The following WDR17 variants were observed in gnomAD, a reference collection of about 807,000 sequenced individuals.
WDR17 encodes WD repeat-containing protein 17.
WDR17 carries 143 observed loss-of-function variants against 161.7 expected under a neutral mutation model. The observed-to-expected ratio is 0.88, with a 90% CI of 0.77 to 1.02. The LOEUF (loss-of-function observed/expected upper bound fraction) is 1.02, where lower values mean the gene tolerates loss of function less well. Ranked by LOEUF, WDR17 falls within the 50% of genes least tolerant of loss-of-function variation. The pLI, the probability that WDR17 is intolerant of heterozygous loss-of-function variation, is 0.00. For synonymous variants in WDR17, 517 were observed against 515.6 expected (o/e 1.00, Z -0.04); for missense variants, 1,469 against 1,520.9 (o/e 0.97, Z 0.57).
At chr4:176,075,416 A>T (rs1031727619) in intron 1 of WDR17, among the ~76,000 whole-genome samples, 1 of 152,134 alleles carries the variant, frequency 6.6e-6, no homozygotes, top group African/African-American at 2.4e-5. Context: ...ACAATATAAG[A>T]TTTTAAAGTT....
intron 4 of WDR17, 141 bp from the exon 5 acceptor site, chr4:176,124,963 A>T: frequency 2.2e-6 from 2 of 923,958 alleles, no homozygotes; most frequent in Non-Finnish European, 3.2e-6. Context: ...CATGTCAGTT[A>T]CGCCTTCTGC....
intron 1 of WDR17, among the ~76,000 whole-genome samples, chr4:176,073,860 G>T (rs1397865675): frequency 6.6e-6 from 1 of 151,976 alleles, no homozygotes; most frequent in East Asian, 1.9e-4. Context: ...GGCCAGTGAT[G>T]ATGAGCATTT....
chr4:176,085,872 A>G (rs1370023180), intron 1 of WDR17, among the ~76,000 whole-genome samples: 2 of 151,974 alleles, frequency 1.3e-5, no homozygotes, highest in African/African-American at 4.8e-5. Context: ...TTAAAGATAG[A>G]AACTTAAATC....
intron 1 of WDR17, among the ~76,000 whole-genome samples, chr4:176,089,017 A>G (rs1735770255): frequency 6.6e-6 from 1 of 152,202 alleles, no homozygotes; most frequent in Admixed American, 6.5e-5. Flanking sequence ...GTTAGAAAAC[A>G]TAATCTAATT....
At chr4:176,117,625 A>G (rs1259196823) in intron 3 of WDR17, among the ~76,000 whole-genome samples, 1 of 152,058 alleles carries the variant, frequency 6.6e-6, no homozygotes, top group East Asian at 1.9e-4. Flanking sequence ...TTTATTCATC[A>G]GCTATATGCA....
At chr4:176,109,520 G>T (rs1368212829) in intron 1 of WDR17, among the ~76,000 whole-genome samples, 1 of 152,070 alleles carries the variant, frequency 6.6e-6, no homozygotes, top group Non-Finnish European at 1.5e-5. Flanking sequence ...CACTAATTCT[G>T]CTCAGATAAG....
chr4:176,141,823 T>C (rs1193998414), intron 10 of WDR17, among the ~76,000 whole-genome samples, 160 bp from the exon 11 acceptor site: 1 of 152,248 alleles, frequency 6.6e-6, no homozygotes, highest in Non-Finnish European at 1.5e-5. Flanking sequence ...TACTTATAAT[T>C]GGTAACATTT....
At position 176,155,956 on chromosome 4, in the gene WDR17, G is replaced by C; in HGVS notation, c.2461-123G>C. ...AAGAAGTCAGAAAGTACCAAATCAGGACTCAAGAACTCAAATATAAAAATA... is the reference window on the plus strand; with the variant it reads ...AAGAAGTCAGAAAGTACCAAATCAGCACTCAAGAACTCAAATATAAAAATA... On this transcript the variant is annotated intron_variant, in intron 17 of 28. Coordinates refer to ENST00000508596, the MANE Select transcript of WDR17 (RefSeq NM_181265.4). 8.5e-6 allele frequency: 7 copies of C among 826,856 alleles called. No individual in the cohort carries two copies. The South Asian group carries it at 9.2e-5, about 11-fold the overall frequency. 51.2% of individuals were successfully genotyped at this position (826,856 alleles called of 1,614,324 possible).
intron 1 of WDR17, among the ~76,000 whole-genome samples, chr4:176,097,428 A>G (rs1254078772): frequency 6.6e-6 from 1 of 151,902 alleles, no homozygotes; most frequent in African/African-American, 2.4e-5. Flanking sequence ...TTAATTACAG[A>G]TATTTTCTCA....
intron 1 of WDR17, among the ~76,000 whole-genome samples, chr4:176,075,814 G>C (rs1733892242): frequency 6.6e-6 from 1 of 151,764 alleles, no homozygotes; most frequent in Non-Finnish European, 1.5e-5. Context: ...CTACAAAAAA[G>C]AAAAAGAAAA....
chr4:176,126,932 C>T (rs960220464), intron 5 of WDR17, among the ~76,000 whole-genome samples: 51 of 152,160 alleles, frequency 3.4e-4, no homozygotes, highest in African/African-American at 1.1e-3. Flanking sequence ...CTTTGCCTTC[C>T]ACCATGATTG....
intron 27 of WDR17, 49 bp from the exon 28 acceptor site, chr4:176,177,422 A>G (rs891072351): frequency 1.6e-5 from 24 of 1,464,904 alleles, no homozygotes; most frequent in Non-Finnish European, 2.1e-5. Context: ...AAACATCAAA[A>G]ATTCTGTGAT....
At chr4:176,082,050 C>G (rs1258950746) in intron 1 of WDR17, among the ~76,000 whole-genome samples, 9 of 148,794 alleles carry the variant, frequency 6.0e-5, no homozygotes, top group African/African-American at 2.2e-4. Flanking sequence ...CTTGAAGCAG[C>G]TTTTTTTTTT....
intron 1 of WDR17, among the ~76,000 whole-genome samples, chr4:176,105,203 TA>T (rs1219563158): frequency 3.3e-5 from 5 of 151,952 alleles, no homozygotes; most frequent in African/African-American, 1.2e-4. Flanking sequence ...TTTATACACC[TA>T]AAAAACACCA....
At chr4:176,158,077 T>G (rs1360490531) in intron 18 of WDR17, among the ~76,000 whole-genome samples, 1 of 152,208 alleles carries the variant, frequency 6.6e-6, no homozygotes, top group African/African-American at 2.4e-5. Context: ...GTAAGCTTTT[T>G]TATTGTTTCT....
At chr4:176,130,489 A>C (rs1010676074) in intron 6 of WDR17, among the ~76,000 whole-genome samples, 8 of 152,186 alleles carry the variant, frequency 5.3e-5, no homozygotes, top group Non-Finnish European at 8.8e-5. Context: ...TCATGCCTGT[A>C]ATCCCAGCAC....
intron 1 of WDR17, among the ~76,000 whole-genome samples, chr4:176,066,764 C>CAT (rs59270784): frequency 0.05 from 7,587 of 151,716 alleles, 404 homozygotes; most frequent in African/African-American, 0.13. Context: ...TTAATATATA[C>CAT]ATATATACTA....
intron 1 of WDR17, chr4:176,096,334 T>G (rs1426961267): frequency 2.4e-6 from 1 of 418,322 alleles, no homozygotes; most frequent in African/African-American, 2.1e-5. Context: ...TTTTCTTATT[T>G]ACTTGTAAAA....
rs1749308326 is a variant in WDR17 at position 176,163,264 on chromosome 4, G to A, written c.2961G>A (p.Leu987=). 1 of 1,611,112 alleles carries A rather than the reference G, an allele frequency of 6.2e-7. No individual in the cohort carries two copies. The highest frequency in any genetic ancestry group is 1.1e-5 in the South Asian group (1 of 90,406). Residue 987 remains leucine, a synonymous_variant, in exon 22 of 29, where the codon CTG becomes CTA. Transcript: ENST00000508596. ...CAACCCACTATGCCTTAGAATTACT[G>A]GCGAGAAAGTGCATGATGATTTCAG... The part of the protein sequence containing the change: ...APATHYALEL[L]ARKCMMISVW...
Sources: gnomAD v4.1 joint callset for allele counts (sites outside exome capture counted in the v4.1 genomes callset) on GRCh38, gnomAD v4.1.1 for gene constraint, MANE v1.5 for transcripts, NCBI Gene and HGNC (gene_info 2026-07-23, HGNC 2026-07-21) for gene names.